The following MCC variants were observed in gnomAD, a reference collection of about 807,000 sequenced individuals.
MCC encodes the protein MCC regulator of Wnt signaling pathway.
MCC carries 90 observed loss-of-function variants against 116.2 expected under a neutral mutation model. The observed-to-expected ratio is 0.77, with a 90% CI of 0.65 to 0.92. MCC has a LOEUF of 0.92. Ranked by LOEUF, MCC falls within the 40% of genes least tolerant of loss-of-function variation. The pLI is 0.00. For synonymous variants in MCC, 578 were observed against 510.5 expected (o/e 1.13, Z -1.78); for missense variants, 1,516 against 1,312.2 (o/e 1.16, Z -2.40).
chr5:113,232,675 A>G (rs1763978714), intron 3 of MCC, among the ~76,000 whole-genome samples: 1 of 152,236 alleles, frequency 6.6e-6, no homozygotes, highest in Admixed American at 6.5e-5. Context: ...TAAAGCAAGA[A>G]AGGACCCATT....
chr5:113,166,388 G>A lies in MCC; in HGVS notation c.628-14966C>T, dbSNP rs557298285. Among the ~76,000 whole-genome samples, 99 of 152,318 alleles carry A rather than the reference G, an allele frequency of 6.5e-4. 1 individual carries two copies. The highest frequency in any genetic ancestry group is 4.3e-3 in the Admixed American group (66 of 15,308). ...GTTTACACTGACCATCATTAGGCAT[G>A]GGACCAAGTACAGCGGTAGAAAAAA... On this transcript the variant is annotated intron_variant, in intron 3 of 18. Coordinates refer to ENST00000408903, the MANE Select transcript of MCC (RefSeq NM_001085377.2).
At chr5:113,238,133 T>A (rs1246916179) in intron 3 of MCC, among the ~76,000 whole-genome samples, 1 of 152,198 alleles carries the variant, frequency 6.6e-6, no homozygotes, top group Non-Finnish European at 1.5e-5. Flanking sequence ...GCAAAATGCA[T>A]GCAACCAGTC....
At chr5:113,261,624 T>C (rs1478019604) in intron 3 of MCC, among the ~76,000 whole-genome samples, 2 of 152,182 alleles carry the variant, frequency 1.3e-5, no homozygotes, top group Non-Finnish European at 2.9e-5. Context: ...ACAAATATTA[T>C]CATATTTAAG....
intron 3 of MCC, among the ~76,000 whole-genome samples, chr5:113,221,705 C>T (rs1039995385): frequency 6.6e-6 from 1 of 152,244 alleles, no homozygotes; most frequent in Non-Finnish European, 1.5e-5. Flanking sequence ...GTGGACCTGA[C>T]TGAGGAACTG....
intron 3 of MCC, among the ~76,000 whole-genome samples, chr5:113,321,351 T>C (rs1467586512): frequency 6.6e-6 from 1 of 152,166 alleles, no homozygotes; most frequent in African/African-American, 2.4e-5. Context: ...CTGACCCCAA[T>C]TTTTAGATCT....
At chr5:113,457,107 C>A (rs914144090) in intron 1 of MCC, among the ~76,000 whole-genome samples, 1 of 152,206 alleles carries the variant, frequency 6.6e-6, no homozygotes, top group African/African-American at 2.4e-5. Flanking sequence ...CTGGCCAAGG[C>A]CAGAGCCCAC....
chr5:113,274,814 C>A (rs1765763241), intron 3 of MCC, among the ~76,000 whole-genome samples: 1 of 152,158 alleles, frequency 6.6e-6, no homozygotes, highest in Non-Finnish European at 1.5e-5. Context: ...TTTTCATCAT[C>A]CAAGTTCCCA....
intron 1 of MCC, among the ~76,000 whole-genome samples, chr5:113,417,238 G>A (rs1171170213): frequency 6.6e-6 from 1 of 152,118 alleles, no homozygotes; most frequent in African/African-American, 2.4e-5. Flanking sequence ...AAAGTGCTGG[G>A]ATTACAGGCG....
chr5:113,053,858 G>A lies in MCC; in HGVS notation c.2315C>T (p.Ala772Val), dbSNP rs140568169. The change falls in exon 15 of 19, where the codon GCG becomes GTG. Residue 772 changes from alanine (A) to valine (V), a missense_variant. Physicochemically the swap from Ala to Val is moderately conservative, Grantham distance 64 (BLOSUM62 0). Coordinates refer to ENST00000408903, the MANE Select transcript of MCC (RefSeq NM_001085377.2). ...CAGCTCCAGCATGGTCAGCTTGACC[G>A]CAGCCCTGTCATTCTTGAGCTGCTG... ...YIQQLKNDRA[A>V]VKLTMLELES... 18 of 1,614,064 alleles carry A rather than the reference G, an allele frequency of 1.1e-5. No individual in the cohort carries two copies. The highest frequency in any genetic ancestry group is 4.0e-5 in the African/African-American group (3 of 75,042).
chr5:113,114,762 T>C (rs1431419905), intron 6 of MCC, among the ~76,000 whole-genome samples: 1 of 152,152 alleles, frequency 6.6e-6, no homozygotes, highest in Non-Finnish European at 1.5e-5. Flanking sequence ...ACAGCCAGAA[T>C]CCAGGGGAAG....
chr5:113,079,456 A>C (rs1208671322), intron 11 of MCC, among the ~76,000 whole-genome samples: 1 of 152,212 alleles, frequency 6.6e-6, no homozygotes, highest in Non-Finnish European at 1.5e-5. Flanking sequence ...GTACCAGAAC[A>C]GAGATATAGA....
At chr5:113,092,217 A>C (rs1003370721) in intron 8 of MCC, among the ~76,000 whole-genome samples, 1 of 152,102 alleles carries the variant, frequency 6.6e-6, no homozygotes, top group African/African-American at 2.4e-5. Flanking sequence ...TGGATCATCT[A>C]GGTGGACTCA....
At chr5:113,151,489 G>A (rs571315679) in intron 3 of MCC, 67 bp from the exon 4 acceptor site, 76 of 812,250 alleles carry the variant, frequency 9.4e-5, no homozygotes, top group African/African-American at 5.9e-4. Context: ...CTTCATTCCC[G>A]CAACTAGTAT....
At chr5:113,452,812 G>A (rs1211272124) in intron 1 of MCC, among the ~76,000 whole-genome samples, 1 of 152,190 alleles carries the variant, frequency 6.6e-6, no homozygotes, top group Admixed American at 6.5e-5. Flanking sequence ...CACAGGTGCA[G>A]GATGTTAGTT....
At chr5:113,364,313 C>A (rs190266615) in intron 2 of MCC, among the ~76,000 whole-genome samples, 144 of 146,480 alleles carry the variant, frequency 9.8e-4, no homozygotes, top group African/African-American at 3.5e-3. Flanking sequence ...CAAAACCCAG[C>A]AGGGCAGTTA....
At chr5:113,345,905 C>G (rs748135112) in intron 2 of MCC, among the ~76,000 whole-genome samples, 1 of 152,164 alleles carries the variant, frequency 6.6e-6, no homozygotes, top group Non-Finnish European at 1.5e-5. Flanking sequence ...AGGGACTAAT[C>G]CTGGAGAAAC....
At chr5:113,166,104 T>C (rs12652257) in intron 3 of MCC, among the ~76,000 whole-genome samples, 57,838 of 151,916 alleles carry the variant, frequency 0.38, 11,667 homozygotes, top group African/African-American at 0.52. Context: ...CATTCCCCCA[T>C]CTCCTTGTAG....
rs533445952 is a variant in MCC at position 113,300,496 on chromosome 5, G to T, written c.627+40023C>A. On this transcript the variant is annotated intron_variant, in intron 3 of 18. Coordinates refer to ENST00000408903, the MANE Select transcript of MCC (RefSeq NM_001085377.2). ...CAACCACGCCCAGAGTGTTTACATT[G>T]TAAAAGGAGAATGCTTTGAAATAAT... Among the ~76,000 whole-genome samples, 5 of 152,288 alleles carry T rather than the reference G, an allele frequency of 3.3e-5. No individual in the cohort carries two copies. In the South Asian group the frequency reaches 1.0e-3, roughly 32 times the overall value.
chr5:113,367,447 C>T (rs1401797284), intron 2 of MCC, among the ~76,000 whole-genome samples: 1 of 150,270 alleles, frequency 6.7e-6, no homozygotes, highest in Non-Finnish European at 1.5e-5. Flanking sequence ...ACCTACTCTT[C>T]TGGACTTGCT....
Sources: allele counts gnomAD v4.1 joint callset (sites outside exome capture counted in the v4.1 genomes callset), GRCh38; gene constraint gnomAD v4.1.1; transcripts MANE v1.5; gene names NCBI Gene and HGNC (gene_info 2026-07-23, HGNC 2026-07-21).